BAG6: variants seen among roughly 807,000 people sequenced by gnomAD.
BAG6 encodes the protein BAG cochaperone 6.
Under a neutral mutation model 121.0 loss-of-function variants are expected in BAG6, and 22 were observed. That is an observed-to-expected ratio of 0.18 (90% CI 0.13 to 0.26). The LOEUF (loss-of-function observed/expected upper bound fraction) is 0.26, where lower values mean the gene tolerates loss of function less well. Ranked by LOEUF, BAG6 falls within the 10% of genes least tolerant of loss-of-function variation. The pLI is 1.00. For synonymous variants in BAG6, 583 were observed against 584.6 expected, an observed-to-expected ratio of 1.00 and a Z score of 0.04; for missense variants, 1,233 against 1,537.7, an observed-to-expected ratio of 0.80 and a Z score of 3.31.
chr6:31,647,514 C>T, intron 7 of BAG6, 77 bp downstream of exon 7: 1 of 1,583,148 alleles, frequency 6.3e-7, no homozygotes, highest in Non-Finnish European at 8.6e-7. Context: ...CTTTCCCTCC[C>T]TTGCCATGGT....
rs1411038667 is a variant in BAG6, at chr6:31,642,191, G to A, written c.2256C>T (p.Ser752=). ...GTATGAAGGCAGCAATACTTTCACT[G>A]CTGCCAGCCCGAGCCCCCAGGGAGC... ...LLGSLGARAG[S]SESIAAFIQR... The change falls in exon 16 of 26, where the codon AGC becomes AGT. Residue 752 remains serine, a synonymous_variant. Transcript: ENST00000676615. The A allele has an allele frequency of 6.2e-7, 1 of 1,612,954 alleles. No individual in the cohort carries two copies. The highest frequency in any genetic ancestry group is 1.1e-5 in the South Asian group (1 of 91,084).
Position 31,641,350 on chromosome 6 carries a change from T to C in BAG6, c.2632A>G (p.Ser878Gly). The C allele has an allele frequency of 6.2e-7, 1 of 1,614,256 alleles. No homozygotes were observed. The highest frequency in any genetic ancestry group is 1.3e-5 in the African/African-American group (1 of 75,062). Residue 878 changes from serine (S) to glycine (G), a missense_variant, in exon 19 of 26, where the codon AGC becomes GGC. Ser to Gly is a moderately conservative substitution (Grantham distance 56, BLOSUM62 0). Coordinates refer to ENST00000676615, the MANE Select transcript of BAG6 (RefSeq NM_001387994.1). The surrounding 1 kb of genome is among the most constrained non-coding windows in gnomAD (Gnocchi z 5.7). Reference protein sequence around the residue: ...NLEFLQEQFNSIAAHVLHCTD... With the variant: ...NLEFLQEQFNGIAAHVLHCTD... ...CAATGCAGCACATGCGCAGCAATGC[T>C]ATTAAACTGCTCTTGGAGAAATTCC...
In BAG6 at chr6:31,649,358, A is replaced by T; in HGVS notation, c.264T>A (p.Ala88=). The part of the protein sequence containing the change: ...GGKVIHLVER[A]PPQTHLPSGA... ...CAGAAGGGAGGTGAGTCTGAGGAGG[A>T]GCCCGTTCCACCAGGTGGATAACCT... Residue 88 remains alanine, a synonymous_variant, in exon 4 of 26, where the codon GCT becomes GCA. Coordinates refer to ENST00000676615, the MANE Select transcript of BAG6 (RefSeq NM_001387994.1). The T allele has an allele frequency of 3.7e-6, 6 of 1,610,156 alleles. No homozygotes were observed. The highest frequency in any genetic ancestry group is 5.1e-6 in the Non-Finnish European group (6 of 1,178,286).
Position 31,640,698 on chromosome 6 carries a change from G to A in BAG6, c.2941C>T (p.Pro981Ser), listed in dbSNP as rs760904441. Residue 981 changes from proline (P) to serine (S), a missense_variant, in exon 22 of 26, where the codon CCT becomes TCT. Pro to Ser is a moderately conservative substitution (Grantham distance 74, BLOSUM62 -1). Transcript: ENST00000676615. The surrounding 1 kb of genome is among the most constrained non-coding windows in gnomAD (Gnocchi z 4.2). ...CCCTGAACTTCCATTGGCTCCTCAGGAAGTGGCTGTGAAATTAAAGAACAC... is the reference window on the plus strand; with the variant it reads ...CCCTGAACTTCCATTGGCTCCTCAGAAAGTGGCTGTGAAATTAAAGAACAC... Reference protein sequence around the residue: ...RRVGDPPQPLPEEPMEVQGAE... With the variant: ...RRVGDPPQPLSEEPMEVQGAE... 1 of 1,612,994 alleles carries A rather than the reference G, an allele frequency of 6.2e-7. No individual in the cohort carries two copies. Among genetic ancestry groups the A allele is most frequent in the East Asian group, 2.2e-5 (1 of 44,886 alleles).
chr6:31,639,909 C>G (rs527279545), intron 24 of BAG6: 8 of 615,258 alleles, frequency 1.3e-5, no homozygotes, highest in Non-Finnish European at 2.3e-5. Context: ...GGATTCAGAG[C>G]TAGGTAATCC....
Position 31,641,479 on chromosome 6 carries a change from G to A in BAG6, c.2560-57C>T. On this transcript the variant is annotated intron_variant, in intron 18 of 25. Coordinates refer to ENST00000676615, the MANE Select transcript of BAG6 (RefSeq NM_001387994.1). This position sits in a 1 kb window ranked among gnomAD's most constrained non-coding sequence, Gnocchi z 5.7. ...ATCAAGAATCATAAGACTGGGAGTG[G>A]AGGAGGCAGCTGCCTTGACCAGACC... 1 of 1,614,010 alleles carries A rather than the reference G, an allele frequency of 6.2e-7. No individual in the cohort carries two copies.
In BAG6 at chr6:31,645,212, ATGG is replaced by A. The variant is rs1787738291; in HGVS notation, c.1117-17_1117-15del. 1.2e-6 allele frequency: 2 copies of A among 1,604,370 alleles called. No homozygotes were observed. Among genetic ancestry groups the A allele is most frequent in the Admixed American group, 3.4e-5 (2 of 58,224 alleles). Reference sequence around the variant, plus strand: ...TCCCACATTGATCTGAAAAAGACAGATGGACAGGCAGATGTGAGAAAAATACAA... The same window carrying A: ...TCCCACATTGATCTGAAAAAGACAGAACAGGCAGATGTGAGAAAAATACAA... On this transcript the variant is annotated splice_polypyrimidine_tract_variant and intron_variant, in intron 9 of 25. Coordinates refer to ENST00000676615, the MANE Select transcript of BAG6 (RefSeq NM_001387994.1).
chr6:31,649,625 C>T lies in BAG6; in HGVS notation c.111G>A (p.Met37Ile), dbSNP rs1375012237. 6.2e-7 allele frequency: 1 copy of T among 1,611,966 alleles called. No individual in the cohort carries two copies. The highest frequency in any genetic ancestry group is 8.5e-7 in the Non-Finnish European group (1 of 1,178,146). Residue 37 changes from methionine to isoleucine, a missense_variant and splice_region_variant, in exon 3 of 26, where the codon ATG becomes ATA. Around this residue, in one of 7 missense-constraint regions of BAG6, gnomAD observed 28 missense variants for 24.5 expected, o/e 1.14. Coordinates refer to ENST00000676615, the MANE Select transcript of BAG6 (RefSeq NM_001387994.1). Reference sequence around the variant, plus strand: ...TGTGCTCCTTAAACTCTTTTACATTCATCTGAAAAGAAGAGGCATGCACAG... The same window carrying T: ...TGTGCTCCTTAAACTCTTTTACATTTATCTGAAAAGAAGAGGCATGCACAG... ...QTRTFIVGAQ[M>I]NVKEFKEHIA...
chr6:31,639,885 G>A, intron 24 of BAG6: 1 of 633,752 alleles, frequency 1.6e-6, no homozygotes, highest in Non-Finnish European at 2.7e-6. Context: ...AGGCAGAAGG[G>A]GTCAAGCCAT....
rs1786916760 is a variant in BAG6, at chr6:31,644,647, A to G, written c.1370-45T>C. On this transcript the variant is annotated intron_variant, in intron 10 of 25. Transcript: ENST00000676615. The surrounding 1 kb of genome is among the most constrained non-coding windows in gnomAD (Gnocchi z 4.9). ...CAGTGGCCCTGAGGTAGGTAGGGCC[A>G]AGGCCTAACTATATCCTTCTGAGAT... The G allele has an allele frequency of 3.2e-6, 5 of 1,570,614 alleles. No individual in the cohort carries two copies. The highest frequency in any genetic ancestry group is 4.4e-6 in the Non-Finnish European group (5 of 1,144,368).
At chr6:31,651,287 C>A (rs569027778) in intron 2 of BAG6, among the ~76,000 whole-genome samples, 12 of 152,302 alleles carry the variant, frequency 7.9e-5, no homozygotes, top group African/African-American at 2.9e-4. Context: ...GCCTGTAATA[C>A]CAGCACTTTG....
rs1788062172 is a variant in BAG6 at position 31,645,482 on chromosome 6, T to C, written c.1041A>G (p.Arg347=). 9.3e-6 allele frequency: 15 copies of C among 1,613,044 alleles called. No individual in the cohort carries two copies. Among genetic ancestry groups the C allele is most frequent in the Non-Finnish European group, 1.2e-5 (14 of 1,180,024 alleles). ...ACATAGGCCGGACCACATGCAGGTG[T>C]CGTGGGGGCGTGCAGGCCAGATTGC... The part of the protein sequence containing the change: ...LRCNLACTPP[R]HLHVVRPMSH... Residue 347 remains arginine (R), a synonymous_variant, in exon 9 of 26, where the codon CGA becomes CGG. Transcript: ENST00000676615.
chr6:31,644,490 C>T lies in BAG6; in HGVS notation c.1447+35G>A. 6.3e-7 allele frequency: 1 copy of T among 1,593,510 alleles called. No homozygotes were observed. The highest frequency in any genetic ancestry group is 1.1e-5 in the South Asian group (1 of 87,184). On this transcript the variant is annotated intron_variant, in intron 11 of 25. Coordinates refer to ENST00000676615, the MANE Select transcript of BAG6 (RefSeq NM_001387994.1). The surrounding 1 kb of genome is among the most constrained non-coding windows in gnomAD (Gnocchi z 4.9). ...CACTCAGCCCTTCCCTTTCTCTACCCAGAGCTCAGCCTGCCCTGATGCCCT... is the reference window on the plus strand; with the variant it reads ...CACTCAGCCCTTCCCTTTCTCTACCTAGAGCTCAGCCTGCCCTGATGCCCT...
Position 31,647,709 on chromosome 6 carries a change from G to T in BAG6, c.670C>A (p.Pro224Thr). ...TCTTCTGCCTCCATGGGCTCCCGGG[G>T]AGGTGCTTCACTTTCAACTGGTTCT... ...TSEPVESEAP[P>T]REPMEAEEVE... The change falls in exon 7 of 26, where the codon CCC becomes ACC. Residue 224 changes from proline to threonine, a missense_variant. Physicochemically the swap from Pro to Thr is conservative, Grantham distance 38 (BLOSUM62 -1). Coordinates refer to ENST00000676615, the MANE Select transcript of BAG6 (RefSeq NM_001387994.1). The T allele has an allele frequency of 6.2e-7, 1 of 1,604,064 alleles. No individual in the cohort carries two copies. Among genetic ancestry groups the T allele is most frequent in the Non-Finnish European group, 8.5e-7 (1 of 1,176,620 alleles).
intron 9 of BAG6, 83 bp from the exon 10 acceptor site, chr6:31,645,281 T>C: frequency 6.2e-7 from 1 of 1,603,092 alleles, no homozygotes; most frequent in South Asian, 1.1e-5. Flanking sequence ...CTCTAAAGTA[T>C]CTCCAGCCTT....
In BAG6 at chr6:31,640,354, A is replaced by G. The variant is rs1267841355; in HGVS notation, c.3138+31T>C. On this transcript the variant is annotated intron_variant, in intron 23 of 25. Transcript: ENST00000676615. The surrounding 1 kb of genome is among the most constrained non-coding windows in gnomAD (Gnocchi z 4.2). ...GTAATGTCCTTGACTTTCAGCTGCCATGACCCACTGGATTACTTCCTGACA... is the reference window on the plus strand; with the variant it reads ...GTAATGTCCTTGACTTTCAGCTGCCGTGACCCACTGGATTACTTCCTGACA... The G allele has an allele frequency of 2.5e-6, 4 of 1,614,072 alleles. No individual in the cohort carries two copies. Among genetic ancestry groups the G allele is most frequent in the African/African-American group, 2.7e-5 (2 of 74,922 alleles).
intron 15 of BAG6, 83 bp from the exon 16 acceptor site, chr6:31,642,486 A>C: frequency 1.4e-6 from 1 of 695,016 alleles, no homozygotes; most frequent in Non-Finnish European, 2.4e-6. Flanking sequence ...AAGAGGGCAC[A>C]AACCAACGGG....
At chr6:31,651,573 G>GA in intron 2 of BAG6, 83 bp downstream of exon 2, 1 of 1,258,350 alleles carries the variant, frequency 7.9e-7, no homozygotes, top group Non-Finnish European at 1.1e-6. Context: ...CTGGTGACCA[G>GA]AAAATCAAGC....
At position 31,642,146 on chromosome 6, in the gene BAG6, G is replaced by C; in HGVS notation, c.2301C>G (p.Ser767Arg). Residue 767 changes from serine (S) to arginine (R), a missense_variant, in exon 16 of 26, where the codon AGC (serine) becomes AGG (arginine). Ser to Arg is a moderately radical substitution (Grantham distance 110, BLOSUM62 -1). Transcript: ENST00000676615. ...CATCAGCTCCAGGCTCAAAGATGTT[G>C]CTGGATCCACTGAGGCGTTGTATGA... ...AAFIQRLSGS[S>R]NIFEPGADGA... 1 of 1,612,884 alleles carries C rather than the reference G, an allele frequency of 6.2e-7. No homozygotes were observed. The highest frequency in any genetic ancestry group is 8.5e-7 in the Non-Finnish European group (1 of 1,179,940).
Sources: allele counts gnomAD v4.1 joint callset (sites outside exome capture counted in the v4.1 genomes callset), GRCh38; gene constraint gnomAD v4.1.1; regional missense constraint gnomAD v4.1.1; non-coding constraint Gnocchi (gnomAD v3.1); transcripts MANE v1.5; gene names NCBI Gene and HGNC (gene_info 2026-07-23, HGNC 2026-07-21).